Variants in ZMYM2 observed in about 807,000 individuals in gnomAD.
ZMYM2 encodes zinc finger MYM-type protein 2.
Under a neutral mutation model 162.8 loss-of-function variants are expected in ZMYM2, and 56 were observed. The ratio of observed to expected loss-of-function variants is 0.34; its 90% CI spans 0.28 to 0.43. The LOEUF is 0.43. ZMYM2 is among the 20% of genes least tolerant of loss of function. The pLI, the probability that ZMYM2 is intolerant of heterozygous loss-of-function variation, is 1.00. For synonymous variants in ZMYM2, 510 were observed against 541.6 expected (o/e 0.94, Z 0.81); for missense variants, 1,275 against 1,621.8 (o/e 0.79, Z 3.67).
chr13:19,992,805 A>G (rs1949729585), intron 2 of ZMYM2, among the ~76,000 whole-genome samples: 1 of 152,048 alleles, frequency 6.6e-6, no homozygotes, highest in Admixed American at 6.6e-5. Flanking sequence ...GCATATGATT[A>G]CCATGAATAT....
chr13:19,969,923 T>C (rs1486914405), intron 2 of ZMYM2: 1 of 494,898 alleles, frequency 2.0e-6, no homozygotes, highest in Non-Finnish European at 2.6e-6. Context: ...TTTTACTTAG[T>C]AATAGTCTGT....
chr13:20,007,140 T>C (rs111695331), intron 6 of ZMYM2, among the ~76,000 whole-genome samples: 2,475 of 152,258 alleles, frequency 0.016, 35 homozygotes, highest in Non-Finnish European at 0.027. Flanking sequence ...AATGTTGTTA[T>C]CATTTTTTTT....
upstream of ZMYM2, among the ~76,000 whole-genome samples, chr13:19,957,078 A>T (rs531535589): frequency 1.3e-5 from 2 of 152,214 alleles, no homozygotes; most frequent in South Asian, 4.1e-4. Flanking sequence ...CATTTTATTA[A>T]TTTTTTTCAA....
At chr13:19,901,711 G>A in the ZMYM2 span, among the ~76,000 whole-genome samples, 2 of 152,088 alleles carry the variant, frequency 1.3e-5, no homozygotes, top group African/African-American at 4.8e-5. Flanking sequence ...TCCTGACCTC[G>A]TGATCCACCC....
chr13:19,981,161 T>C (rs937364518), intron 2 of ZMYM2, among the ~76,000 whole-genome samples: 1 of 152,120 alleles, frequency 6.6e-6, no homozygotes, highest in Admixed American at 6.5e-5. Flanking sequence ...AGCTCTAGCT[T>C]CTCAGGAGGC....
chr13:20,007,605 C>T (rs1379887415), intron 6 of ZMYM2, among the ~76,000 whole-genome samples: 1 of 143,690 alleles, frequency 7.0e-6, no homozygotes, highest in Non-Finnish European at 1.5e-5. Context: ...GTTATATGAA[C>T]TTTCTCCCTC....
intron 7 of ZMYM2, chr13:20,026,306 C>G (rs1952574447): frequency 5.1e-6 from 1 of 197,752 alleles, no homozygotes; most frequent in Non-Finnish European, 1.0e-5. Context: ...ACAAAAAGCA[C>G]TGTGCCTTTC....
chr13:19,936,230 G>T, the ZMYM2 span, among the ~76,000 whole-genome samples: 1 of 152,118 alleles, frequency 6.6e-6, no homozygotes, highest in African/African-American at 2.4e-5. Context: ...AGAATTAAAG[G>T]TCTGTGTTAT....
chr13:19,878,237 G>A, the ZMYM2 span, among the ~76,000 whole-genome samples: 43 of 152,090 alleles, frequency 2.8e-4, no homozygotes, highest in Non-Finnish European at 5.9e-4. Flanking sequence ...ATTTTTAGTA[G>A]ATACAGGGTT....
intron 19 of ZMYM2, among the ~76,000 whole-genome samples, chr13:20,066,004 AT>A (rs1457878240): frequency 6.6e-6 from 1 of 152,156 alleles, no homozygotes; most frequent in African/African-American, 2.4e-5. Context: ...TCTTATATTT[AT>A]TTTCTCATCA....
the ZMYM2 span, among the ~76,000 whole-genome samples, chr13:19,872,107 T>A: frequency 8.6e-5 from 13 of 151,926 alleles, no homozygotes; most frequent in African/African-American, 3.1e-4. Context: ...GTAGCTGGGA[T>A]TACAGGTGTA....
intron 14 of ZMYM2, among the ~76,000 whole-genome samples, chr13:20,055,995 AC>A (rs894204089): frequency 9.9e-5 from 15 of 152,206 alleles, no homozygotes; most frequent in African/African-American, 2.9e-4. Context: ...GAAGTGTTAT[AC>A]AGGGAAAAGG....
the ZMYM2 span, among the ~76,000 whole-genome samples, chr13:19,931,484 C>G: frequency 6.6e-6 from 1 of 152,174 alleles, no homozygotes; most frequent in Non-Finnish European, 1.5e-5. Flanking sequence ...CCGTCCCTCC[C>G]TCTCCCAACC....
At chr13:19,872,817 G>A in the ZMYM2 span, among the ~76,000 whole-genome samples, 3 of 151,902 alleles carry the variant, frequency 2.0e-5, no homozygotes, top group African/African-American at 7.3e-5. Context: ...TGGGTAATAT[G>A]ACGAAACACC....
chr13:19,905,006 A>ATT, the ZMYM2 span, among the ~76,000 whole-genome samples: 321 of 129,898 alleles, frequency 2.5e-3, 7 homozygotes, highest in Middle Eastern at 8.1e-3. Flanking sequence ...CTTGCTTTCA[A>ATT]TTTTTTTTTT....
At chr13:19,960,669 C>T (rs540523291) in intron 2 of ZMYM2, among the ~76,000 whole-genome samples, 54 of 152,240 alleles carry the variant, frequency 3.5e-4, no homozygotes, top group African/African-American at 1.3e-3. Flanking sequence ...TTTAACTTAA[C>T]GATCATTTTT....
intron 2 of ZMYM2, among the ~76,000 whole-genome samples, chr13:19,983,583 T>C (rs1957554559): frequency 6.6e-6 from 1 of 152,216 alleles, no homozygotes. Flanking sequence ...AATAATTCTT[T>C]CTTCCTATAA....
At chr13:20,083,959 T>TA (rs1198558625) in intron 24 of ZMYM2, among the ~76,000 whole-genome samples, 183 bp downstream of exon 24, 8 of 152,200 alleles carry the variant, frequency 5.3e-5, no homozygotes, top group African/African-American at 1.9e-4. Context: ...ACATCATACT[T>TA]AGAGTTTAAG....
chr13:19,867,017 G>C, the ZMYM2 span, among the ~76,000 whole-genome samples: 1 of 152,206 alleles, frequency 6.6e-6, no homozygotes, highest in Non-Finnish European at 1.5e-5. Flanking sequence ...ATAAACCGTA[G>C]AGGAAATGTA....
Sources: gnomAD v4.1 joint callset for allele counts (sites outside exome capture counted in the v4.1 genomes callset) on GRCh38, gnomAD v4.1.1 for gene constraint, MANE v1.5 for transcripts, NCBI Gene and HGNC (gene_info 2026-07-23, HGNC 2026-07-21) for gene names.